Variants in TGFBR3 observed in about 807,000 individuals in gnomAD.
The protein encoded by TGFBR3 is transforming growth factor beta receptor 3.
In TGFBR3, 46 loss-of-function variants were observed where a neutral mutation model predicts 87.9. That is an observed-to-expected ratio of 0.52 (90% confidence interval 0.41 to 0.67). TGFBR3 has a LOEUF of 0.67. Ranked by LOEUF, TGFBR3 falls within the 30% of genes least tolerant of loss-of-function variation. The pLI, the probability that TGFBR3 is intolerant of heterozygous loss-of-function variation, is 0.00. For synonymous variants in TGFBR3, 381 were observed against 391.6 expected, an observed-to-expected ratio of 0.97 and a Z score of 0.32; for missense variants, 866 against 1,041.9, an observed-to-expected ratio of 0.83 and a Z score of 2.32.
intron 14 of TGFBR3, among the ~76,000 whole-genome samples, chr1:91,702,164 C>A (rs1571420500): frequency 6.6e-6 from 1 of 152,266 alleles, no homozygotes; most frequent in African/African-American, 2.4e-5. Flanking sequence ...TATTCCAGCC[C>A]AAACACTGAT....
chr1:91,701,933 C>T (rs764643087), intron 14 of TGFBR3, among the ~76,000 whole-genome samples: 12 of 152,148 alleles, frequency 7.9e-5, no homozygotes, highest in Non-Finnish European at 1.0e-4. Flanking sequence ...ATATTCATTG[C>T]AATTACTTGT....
intron 3 of TGFBR3, among the ~76,000 whole-genome samples, chr1:91,785,271 C>G (rs1249621686): frequency 6.6e-6 from 1 of 152,190 alleles, no homozygotes; most frequent in African/African-American, 2.4e-5. Flanking sequence ...ATGTGCAGAA[C>G]AGATAAATCT....
At chr1:91,842,120 A>G (rs1278067173) in intron 2 of TGFBR3, among the ~76,000 whole-genome samples, 1 of 152,062 alleles carries the variant, frequency 6.6e-6, no homozygotes, top group Admixed American at 6.5e-5. Flanking sequence ...AGAAAGAAAG[A>G]AAGAAAAGAA....
Position 91,683,760 on chromosome 1 carries a change from G to A in TGFBR3, c.2535C>T (p.Cys845=). 6.3e-7 allele frequency: 1 copy of A among 1,590,506 alleles called. No individual in the cohort carries two copies. ...TGGGCTAGGCCGTGCTGCTGCTGGA[G>A]CAAGGCGTGCTCTGCGTGCTGCCGA... The part of the protein sequence containing the change: ...HSIGSTQSTP[C]SSSSTA Residue 845 remains cysteine (C), a synonymous_variant, in exon 17 of 17, where the codon TGC becomes TGT. Transcript: ENST00000212355.
intron 3 of TGFBR3, among the ~76,000 whole-genome samples, chr1:91,776,802 TG>T (rs1222417518): frequency 1.3e-5 from 2 of 152,170 alleles, no homozygotes; most frequent in East Asian, 3.8e-4. Context: ...CCTTCACCTT[TG>T]GGATTTGGAG....
chr1:91,836,256 T>C (rs1677061494), intron 2 of TGFBR3, among the ~76,000 whole-genome samples: 2 of 151,824 alleles, frequency 1.3e-5, no homozygotes. Flanking sequence ...TCAAGGAAAA[T>C]AAACAAATAA....
intron 2 of TGFBR3, among the ~76,000 whole-genome samples, chr1:91,891,835 C>G (rs1355764466): frequency 6.6e-6 from 1 of 152,156 alleles, no homozygotes; most frequent in Non-Finnish European, 1.5e-5. Flanking sequence ...AGTTCATACT[C>G]GTTGGTGTTT....
rs1194818736 is a variant in TGFBR3, at chr1:91,716,229, G to A, written c.1866+7C>T. ...CTAAAAGGTCAAGGCTAACTTTCAG[G>A]TCTCACCTCAACATAAACGTGTCCA... is the stretch of plus-strand genomic sequence containing the variant. On this transcript the variant is annotated splice_region_variant and intron_variant, in intron 12 of 16. Coordinates refer to ENST00000212355, the MANE Select transcript of TGFBR3 (RefSeq NM_003243.5). The A allele has an allele frequency of 2.5e-6, 4 of 1,613,998 alleles. No homozygotes were observed. Among genetic ancestry groups the A allele is most frequent in the East Asian group, 4.5e-5 (2 of 44,846 alleles).
chr1:91,695,035 T>C (rs1252544809), intron 16 of TGFBR3, among the ~76,000 whole-genome samples: 1 of 152,164 alleles, frequency 6.6e-6, no homozygotes, highest in East Asian at 1.9e-4. Context: ...AACCTTGGGA[T>C]TGGTAGGGAG....
Position 91,681,290 on chromosome 1 carries a change from C to T in TGFBR3, c.*2449G>A, listed in dbSNP as rs776406969. ...TTAGAAACATTTCAGAAATACTTAA[C>T]GACATTCACTCTCCAATATGAGATT... is the stretch of plus-strand genomic sequence containing the variant. On this transcript the variant is annotated 3_prime_UTR_variant, in exon 17 of 17. Transcript: ENST00000212355. The T allele has an allele frequency of 1.1e-5, 5 of 442,674 alleles. No homozygotes were observed. Among genetic ancestry groups the T allele is most frequent in the South Asian group, 3.3e-5 (2 of 60,866 alleles). 27.4% of individuals were successfully genotyped at this position (442,674 alleles called of 1,614,324 possible).
Position 91,682,213 on chromosome 1 carries a change from A to G in TGFBR3, c.*1526T>C, listed in dbSNP as rs1460991935. 1 of 454,086 alleles carries G rather than the reference A, an allele frequency of 2.2e-6. No homozygotes were observed. Among genetic ancestry groups the G allele is most frequent in the Admixed American group, 2.3e-5 (1 of 42,580 alleles). The allele number at this position is 454,086 out of a possible 1,614,324, so 28.1% of individuals were successfully genotyped here. A position where few individuals can be genotyped will look rare whatever the true frequency, so the allele number is the denominator to read the frequency against. ...GATTACCTACTGAGGTTCCATTCAC[A>G]GACAACCAGGCATAACTTCCTTATT... On this transcript the variant is annotated 3_prime_UTR_variant, in exon 17 of 17. Coordinates refer to ENST00000212355, the MANE Select transcript of TGFBR3 (RefSeq NM_003243.5).
At chr1:91,686,884 A>G (rs751273217) in intron 16 of TGFBR3, among the ~76,000 whole-genome samples, 7 of 152,234 alleles carry the variant, frequency 4.6e-5, no homozygotes, top group Non-Finnish European at 8.8e-5. Context: ...CCCAATTAAC[A>G]CATCTAAGAA....
upstream of TGFBR3, among the ~76,000 whole-genome samples, chr1:91,888,977 G>T (rs1679390774): frequency 6.6e-6 from 1 of 152,008 alleles, no homozygotes; most frequent in Non-Finnish European, 1.5e-5. Flanking sequence ...TGCCTCCTGG[G>T]CTCAAGCAAT....
chr1:91,858,984 G>A (rs1299770694), intron 2 of TGFBR3, among the ~76,000 whole-genome samples: 4 of 151,784 alleles, frequency 2.6e-5, no homozygotes, highest in Non-Finnish European at 5.9e-5. Context: ...TGAACCAGGA[G>A]GCAGAGGTTG....
intron 7 of TGFBR3, among the ~76,000 whole-genome samples, chr1:91,724,123 C>G (rs995923728): frequency 6.6e-6 from 1 of 152,158 alleles, no homozygotes; most frequent in Non-Finnish European, 1.5e-5. Context: ...GAACTTTAAC[C>G]AACTTCTGCG....
intron 4 of TGFBR3, among the ~76,000 whole-genome samples, chr1:91,747,592 A>T (rs1247756069): frequency 6.6e-6 from 1 of 152,260 alleles, no homozygotes; most frequent in Non-Finnish European, 1.5e-5. Context: ...CAAGGATCTT[A>T]AAAATTTCTG....
Position 91,788,185 on chromosome 1 carries a change from G to A in TGFBR3, c.246+9102C>T, listed in dbSNP as rs1019230544. Among the ~76,000 whole-genome samples, 4 of 152,162 alleles carry A rather than the reference G, an allele frequency of 2.6e-5. No individual in the cohort carries two copies. In the East Asian group the frequency reaches 7.7e-4, roughly 29 times the overall value. On this transcript the variant is annotated intron_variant, in intron 3 of 16. Coordinates refer to ENST00000212355, the MANE Select transcript of TGFBR3 (RefSeq NM_003243.5). ...AGTCCAGTGCTAGCACCAAGTTCTT[G>A]GTTAATAGTGAACATGTCACCGCTA...
intron 1 of TGFBR3, among the ~76,000 whole-genome samples, chr1:91,867,510 A>G (rs1678432542): frequency 1.3e-5 from 2 of 152,156 alleles, no homozygotes; most frequent in Non-Finnish European, 2.9e-5. Context: ...ATCTATCCCA[A>G]GCACAACACA....
chr1:91,791,671 G>A (rs774847813), intron 3 of TGFBR3, among the ~76,000 whole-genome samples: 1 of 152,196 alleles, frequency 6.6e-6, no homozygotes, highest in African/African-American at 2.4e-5. Context: ...ACTAGCTGGA[G>A]TATGGGAAAA....
Sources: allele counts gnomAD v4.1 joint callset (sites outside exome capture counted in the v4.1 genomes callset), GRCh38; gene constraint gnomAD v4.1.1; transcripts MANE v1.5; gene names NCBI Gene and HGNC (gene_info 2026-07-23, HGNC 2026-07-21).